The following YIPF6 variants were observed in gnomAD, a reference collection of about 807,000 sequenced individuals.
YIPF6 encodes protein YIPF6.
A neutral mutation model predicts 16.8 loss-of-function variants in YIPF6; 3 were observed. That is an observed-to-expected ratio of 0.18 (90% CI 0.08 to 0.46). The LOEUF is 0.46. YIPF6 is among the 20% of genes least tolerant of loss of function. YIPF6 has a pLI of 0.98. For missense variants in YIPF6, 145 were observed against 184.9 expected (o/e 0.78, Z 1.25); for synonymous variants, 67 against 61.9 (o/e 1.08, Z -0.38).
At chrX:68,508,858 TG>T (rs1470156887) in intron 1 of YIPF6, among the ~76,000 whole-genome samples, 1 of 111,836 alleles carries the variant, frequency 8.9e-6, no homozygotes, top group Non-Finnish European at 1.9e-5. Context: ...CATGTGAGTA[TG>T]GGGGAGATAA....
At chrX:68,499,266 CA>C (rs2079031884) in intron 1 of YIPF6, 143 bp downstream of exon 1, 13 of 756,530 alleles carry the variant, frequency 1.7e-5, no homozygotes, top group Non-Finnish European at 2.4e-5. Flanking sequence ...GAACCAGTCC[CA>C]ACACTGCACC....
intron 3 of YIPF6, among the ~76,000 whole-genome samples, chrX:68,517,034 C>T (rs1034832675): frequency 1.8e-5 from 2 of 111,366 alleles, no homozygotes; most frequent in Admixed American, 1.9e-4. Flanking sequence ...GTTGGCCAGG[C>T]TCATCTCAAA....
chrX:68,509,987 G>C (rs888112544), intron 1 of YIPF6, among the ~76,000 whole-genome samples: 7 of 111,560 alleles, frequency 6.3e-5, no homozygotes, highest in African/African-American at 2.3e-4. Flanking sequence ...CATCTGTGTG[G>C]TGTGGTGTGC....
intron 6 of YIPF6, among the ~76,000 whole-genome samples, chrX:68,526,409 C>T (rs1288174949): frequency 9.0e-6 from 1 of 111,697 alleles, no homozygotes; most frequent in Non-Finnish European, 1.9e-5. Flanking sequence ...TCTAAATATA[C>T]AATCATGTCA....
rs1250282068 is a variant in YIPF6, at chrX:68,534,433, A to C, written c.*2434A>C. On this transcript the variant is annotated 3_prime_UTR_variant, in exon 7 of 7. Transcript: ENST00000462683. ...GCCGAAGATTCATTTGATGAATCCA[A>C]TTTTTTTGAAATAGACAATTCTGAT... 3 of 111,851 alleles carry C rather than the reference A, an allele frequency of 2.7e-5. No individual in the cohort carries two copies. The highest frequency in any genetic ancestry group is 9.7e-5 in the African/African-American group (3 of 30,773). 9.2% of individuals were successfully genotyped at this position (111,851 alleles called of 1,213,427 possible).
At chrX:68,518,748 T>C (rs764932171) in intron 3 of YIPF6, 22 bp from the exon 4 acceptor site, 2 of 1,173,499 alleles carry the variant, frequency 1.7e-6, no homozygotes, top group Non-Finnish European at 2.3e-6. Context: ...TACCTTCGCT[T>C]CTGTCTTTTC....
At chrX:68,518,325 T>C (rs1474985033) in intron 3 of YIPF6, among the ~76,000 whole-genome samples, 1 of 109,903 alleles carries the variant, frequency 9.1e-6, no homozygotes, top group Non-Finnish European at 1.9e-5. Flanking sequence ...CCTCCACATA[T>C]AAAGCTAGGC....
rs1276700676 is a variant in YIPF6, at chrX:68,536,503, TC to T, written c.*4509del. ...TATGTACCTGAAATGAATACACCCCTCCCCCAAGGTATTTTCCCTATTGTTA... is the reference window on the plus strand; with the variant it reads ...TATGTACCTGAAATGAATACACCCCTCCCCAAGGTATTTTCCCTATTGTTA... On this transcript the variant is annotated 3_prime_UTR_variant, in exon 7 of 7. Coordinates refer to ENST00000462683, the MANE Select transcript of YIPF6 (RefSeq NM_173834.4). 1 of 110,582 alleles carries T rather than the reference TC, an allele frequency of 9.0e-6. No homozygotes were observed. Among genetic ancestry groups the T allele is most frequent in the Non-Finnish European group, 1.9e-5 (1 of 52,897 alleles). 9.1% of individuals were successfully genotyped at this position (110,582 alleles called of 1,213,427 possible).
intron 1 of YIPF6, among the ~76,000 whole-genome samples, chrX:68,504,022 C>G (rs1268043596): frequency 8.9e-6 from 1 of 112,305 alleles, no homozygotes; most frequent in Non-Finnish European, 1.9e-5. Context: ...CCTGGCCCTC[C>G]CCTCAGGTTT....
Position 68,522,926 on chromosome X carries a change from G to A in YIPF6, c.592+9G>A, listed in dbSNP as rs771434736. The A allele has an allele frequency of 1.1e-5, 13 of 1,208,515 alleles. No individual in the cohort carries two copies. The highest frequency in any genetic ancestry group is 1.5e-5 in the Non-Finnish European group (13 of 894,426). ...TGCCTGGTCTATAGTTGGTAAGTATGTACTTATTTCCACAATAACAGAACA... is the reference window on the plus strand; with the variant it reads ...TGCCTGGTCTATAGTTGGTAAGTATATACTTATTTCCACAATAACAGAACA... On this transcript the variant is annotated intron_variant, in intron 6 of 6. Transcript: ENST00000462683.
chrX:68,502,773 C>T (rs1458256687), intron 1 of YIPF6, among the ~76,000 whole-genome samples: 2 of 109,845 alleles, frequency 1.8e-5, no homozygotes, highest in Non-Finnish European at 1.9e-5. Context: ...TGGGTAATGC[C>T]TGTATTTAGG....
At chrX:68,525,726 A>G (rs2079145119) in intron 6 of YIPF6, among the ~76,000 whole-genome samples, 1 of 112,018 alleles carries the variant, frequency 8.9e-6, no homozygotes, top group African/African-American at 3.2e-5. Flanking sequence ...TCCCAACACC[A>G]TTTATTAACT....
chrX:68,523,023 T>C (rs1044494751), intron 6 of YIPF6, 106 bp downstream of exon 6: 10 of 955,056 alleles, frequency 1.0e-5, no homozygotes, highest in Non-Finnish European at 1.3e-5. Flanking sequence ...GTGAGTGATA[T>C]GATTCTTGAT....
At chrX:68,499,540 T>A (rs1458850274) in intron 1 of YIPF6, among the ~76,000 whole-genome samples, 1 of 112,321 alleles carries the variant, frequency 8.9e-6, no homozygotes, top group Admixed American at 9.5e-5. Flanking sequence ...GCTTATAACT[T>A]TAGTATTGAC....
chrX:68,517,938 C>A (rs1198318881), intron 3 of YIPF6, among the ~76,000 whole-genome samples: 1 of 104,703 alleles, frequency 9.6e-6, no homozygotes, highest in African/African-American at 3.5e-5. Context: ...TGCACTCTAG[C>A]CTGGGCAACA....
In YIPF6 at chrX:68,536,792, C is replaced by A. The variant is rs1423979509; in HGVS notation, c.*4793C>A. The A allele has an allele frequency of 8.9e-6, 1 of 111,863 alleles. No homozygotes were observed. The highest frequency in any genetic ancestry group is 1.9e-5 in the Non-Finnish European group (1 of 53,198). 9.2% of individuals were successfully genotyped at this position (111,863 alleles called of 1,213,427 possible). A position where few individuals can be genotyped will look rare whatever the true frequency, so the allele number is the denominator to read the frequency against. On this transcript the variant is annotated 3_prime_UTR_variant, in exon 7 of 7. Coordinates refer to ENST00000462683, the MANE Select transcript of YIPF6 (RefSeq NM_173834.4). ...TTTTCTCTCCCGCTTCCACCACCAC[C>A]ACACATATATACCCCTTTTTCTCAG...
rs1351213718 is a variant in YIPF6 at position 68,511,417 on chromosome X, C to A, written c.58-432C>A. 7.1e-5 allele frequency among the ~76,000 whole-genome samples: 8 copies of A among 112,220 alleles called. No individual in the cohort carries two copies. In the Admixed American group the frequency reaches 7.6e-4, roughly 11 times the overall value. On this transcript the variant is annotated intron_variant, in intron 1 of 6. Transcript: ENST00000462683. Reference sequence around the variant, plus strand: ...TATTTTGCTATTTCCCTGTTTCCCGCACTTGCCTTTATGGTTCATGTAATG... The same window carrying A: ...TATTTTGCTATTTCCCTGTTTCCCGAACTTGCCTTTATGGTTCATGTAATG...
At chrX:68,514,201 C>G (rs1025511239) in intron 3 of YIPF6, 4 of 99,267 alleles carry the variant, frequency 4.0e-5, no homozygotes, top group African/African-American at 1.5e-4. Flanking sequence ...TGCACCCTAG[C>G]CTGGGTGACA....
At position 68,532,457 on chromosome X, in the gene YIPF6, C is replaced by T. The variant is rs111400326; in HGVS notation, c.*458C>T. 33 of 111,894 alleles carry T rather than the reference C, an allele frequency of 2.9e-4. No homozygotes were observed. The highest frequency in any genetic ancestry group is 1.0e-3 in the African/African-American group (32 of 30,640). 9.2% of individuals were successfully genotyped at this position (111,894 alleles called of 1,213,427 possible). On this transcript the variant is annotated 3_prime_UTR_variant, in exon 7 of 7. Coordinates refer to ENST00000462683, the MANE Select transcript of YIPF6 (RefSeq NM_173834.4). ...CTTTTCATAAATAAAAATACATGGT[C>T]TATATCCATTTTCTTTTATTTCTCT...
Sources: gnomAD v4.1 joint callset for allele counts (sites outside exome capture counted in the v4.1 genomes callset) on GRCh38, gnomAD v4.1.1 for gene constraint, MANE v1.5 for transcripts, NCBI Gene and HGNC (gene_info 2026-07-23, HGNC 2026-07-21) for gene names.